Variants in PAPOLA observed in about 807,000 individuals in gnomAD.
PAPOLA encodes the protein poly(A) polymerase alpha.
Under a neutral mutation model 100.6 loss-of-function variants are expected in PAPOLA, and 15 were observed. The observed-to-expected ratio is 0.15, with a 90% CI of 0.10 to 0.23. The LOEUF is 0.23. Ranked by LOEUF, PAPOLA falls within the 10% of genes least tolerant of loss-of-function variation. The pLI, the probability that PAPOLA is intolerant of heterozygous loss-of-function variation, is 1.00. For synonymous variants in PAPOLA, 293 were observed against 300.0 expected (o/e 0.98, Z 0.24); for missense variants, 533 against 884.2 (o/e 0.60, Z 5.04).
intron 1 of PAPOLA, chr14:96,503,015 G>A (rs1896421693): frequency 5.0e-6 from 1 of 201,252 alleles, no homozygotes; most frequent in African/African-American, 2.3e-5. Flanking sequence ...CTCGCTCTCG[G>A]CGCCCCTCGG....
At chr14:96,531,453 T>C in intron 6 of PAPOLA, 22 bp from the exon 7 acceptor site, 1 of 1,557,356 alleles carries the variant, frequency 6.4e-7, no homozygotes, top group South Asian at 1.2e-5. Flanking sequence ...AGATATGGAA[T>C]GTTGTTTTGT....
intron 12 of PAPOLA, among the ~76,000 whole-genome samples, chr14:96,541,293 TAGAA>T (rs1399960444): frequency 6.6e-6 from 1 of 152,184 alleles, no homozygotes; most frequent in Non-Finnish European, 1.5e-5. Flanking sequence ...TAAAATGTGT[TAGAA>T]AGTATTAGGA....
intron 12 of PAPOLA, among the ~76,000 whole-genome samples, chr14:96,539,994 G>C (rs1899852423): frequency 6.6e-6 from 1 of 151,902 alleles, no homozygotes; most frequent in Non-Finnish European, 1.5e-5. Context: ...ATAAATACTT[G>C]TTAGAATTAC....
At position 96,532,467 on chromosome 14, in the gene PAPOLA, T is replaced by C. The variant is rs1469149309; in HGVS notation, c.698-44T>C. ...TAGCTTATTAAAAATGTTCAAACTT[T>C]TGTTCAACACTAACTTATCTTTTTG... On this transcript the variant is annotated intron_variant, in intron 8 of 21. Coordinates refer to ENST00000216277, the MANE Select transcript of PAPOLA (RefSeq NM_032632.5). The C allele has an allele frequency of 3.1e-6, 5 of 1,607,262 alleles. No individual in the cohort carries two copies. The South Asian group carries it at 5.6e-5, about 18-fold the overall frequency.
rs1302437173 is a variant in PAPOLA at position 96,527,837 on chromosome 14, A to G, written c.442-116A>G. ...CTTGATTTCTGATCTGTCTGATCGA[A>G]CAGCCCAGTCTTAAAGCTAGCTATT... On this transcript the variant is annotated intron_variant, in intron 5 of 21. Coordinates refer to ENST00000216277, the MANE Select transcript of PAPOLA (RefSeq NM_032632.5). The G allele has an allele frequency of 1.0e-5, 8 of 772,842 alleles. No individual in the cohort carries two copies. The South Asian group carries it at 1.1e-4, about 11-fold the overall frequency. 47.9% of individuals were successfully genotyped at this position (772,842 alleles called of 1,614,324 possible). A position where few individuals can be genotyped will look rare whatever the true frequency, so the allele number is the denominator to read the frequency against.
Position 96,565,557 on chromosome 14 carries a change from C to A in PAPOLA, c.*507C>A. 2.5e-6 allele frequency: 1 copy of A among 395,772 alleles called. No individual in the cohort carries two copies. The highest frequency in any genetic ancestry group is 4.5e-6 in the Non-Finnish European group (1 of 223,924). The allele number at this position is 395,772 out of a possible 1,614,324, so 24.5% of individuals were successfully genotyped here. A position where few individuals can be genotyped will look rare whatever the true frequency, so the allele number is the denominator to read the frequency against. On this transcript the variant is annotated 3_prime_UTR_variant, in exon 22 of 22. Coordinates refer to ENST00000216277, the MANE Select transcript of PAPOLA (RefSeq NM_032632.5). ...TGTGCAGTGGTGTACTGTTATACTT[C>A]AGAGAAAGGGTAAGAGTACATCTAG...
At chr14:96,533,015 C>G (rs1203027977) in intron 9 of PAPOLA, 36 of 985,018 alleles carry the variant, frequency 3.7e-5, no homozygotes, top group Non-Finnish European at 4.3e-5. Context: ...ATCTATAGGC[C>G]ATTAGTTTCT....
intron 11 of PAPOLA, among the ~76,000 whole-genome samples, chr14:96,536,522 C>T (rs1899545183): frequency 6.6e-6 from 1 of 152,046 alleles, no homozygotes; most frequent in Non-Finnish European, 1.5e-5. Flanking sequence ...AATCAGTTGT[C>T]TGACTACTAG....
At chr14:96,553,728 T>C (rs1367832953) in intron 17 of PAPOLA, among the ~76,000 whole-genome samples, 2 of 152,188 alleles carry the variant, frequency 1.3e-5, no homozygotes, top group East Asian at 3.9e-4. Context: ...GCCAGGCTGG[T>C]CTTGAATTCC....
intron 12 of PAPOLA, among the ~76,000 whole-genome samples, chr14:96,539,571 CTA>C (rs1005373877): frequency 3.5e-4 from 54 of 152,158 alleles, no homozygotes; most frequent in African/African-American, 9.9e-4. Context: ...ATGTTTTTAA[CTA>C]TTTTTATTGG....
In PAPOLA at chr14:96,525,335, A is replaced by G. The variant is rs570562617; in HGVS notation, c.275A>G (p.Asn92Ser). The G allele has an allele frequency of 2.0e-6, 3 of 1,522,430 alleles. No individual in the cohort carries two copies. The African/African-American group carries it at 4.1e-5, about 21-fold the overall frequency. 94.3% of individuals were successfully genotyped at this position (1,522,430 alleles called of 1,614,324 possible). A position where few individuals can be genotyped will look rare whatever the true frequency, so the allele number is the denominator to read the frequency against. Residue 92 changes from asparagine to serine, a missense_variant, in exon 4 of 22, where the codon AAT becomes AGT. Asn to Ser is a conservative substitution (Grantham distance 46, BLOSUM62 1). Transcript: ENST00000216277. Reference protein sequence around the residue: ...SKNLPQSVIENVGGKIFTFGS... With the variant: ...SKNLPQSVIESVGGKIFTFGS... ...AATCTTCCACAATCTGTAATTGAAAATGTTGGAGGAAAAATTTTTACATTT... is the reference window on the plus strand; with the variant it reads ...AATCTTCCACAATCTGTAATTGAAAGTGTTGGAGGAAAAATTTTTACATTT...
intron 1 of PAPOLA, among the ~76,000 whole-genome samples, chr14:96,511,482 T>C (rs1043876113): frequency 6.6e-6 from 1 of 152,234 alleles, no homozygotes; most frequent in Non-Finnish European, 1.5e-5. Flanking sequence ...TTCTGTCCTT[T>C]TGTGTGTTAG....
In PAPOLA at chr14:96,556,288, A is replaced by G. The variant is rs779429294; in HGVS notation, c.1879A>G (p.Arg627Gly). The G allele has an allele frequency of 2.5e-6, 4 of 1,613,994 alleles. No homozygotes were observed. The East Asian group carries it at 8.9e-5, about 36-fold the overall frequency. The stretch of plus-strand genomic sequence containing the variant: ...AACACGTCTGGTAAACCCACCACCT[A>G]GATCTTCAGGAAATGCAGCAACTTC... ...SSTRLVNPPP[R>G]SSGNAATSGN... The change falls in exon 19 of 22, where the codon AGA becomes GGA. Residue 627 changes from arginine to glycine, a missense_variant. Physicochemically the swap from Arg to Gly is moderately radical, Grantham distance 125. Around this residue, in one of 9 missense-constraint regions of PAPOLA, gnomAD observed 242 missense variants for 281.0 expected, o/e 0.86. Transcript: ENST00000216277.
chr14:96,537,221 T>C (rs1194426607), intron 12 of PAPOLA, 161 bp downstream of exon 12: 1 of 588,242 alleles, frequency 1.7e-6, no homozygotes. Flanking sequence ...TTTTTTTGGT[T>C]GAGGTAATGA....
chr14:96,520,069 A>G lies in PAPOLA; in HGVS notation c.23A>G (p.Gln8Arg). 6.2e-7 allele frequency: 1 copy of G among 1,610,228 alleles called. No homozygotes were observed. The highest frequency in any genetic ancestry group is 1.1e-5 in the South Asian group (1 of 89,868). Reference protein sequence around the residue: MPFPVTTQGSQQTQPPQK... With the variant: MPFPVTTRGSQQTQPPQK... ...TTTGTTTATAGTCCAGTTACAACAC[A>G]GGGATCACAACAAACACAACCGCCA... is the stretch of plus-strand genomic sequence containing the variant. The change falls in exon 2 of 22, where the codon CAG becomes CGG. Residue 8 changes from glutamine to arginine, a missense_variant. This residue lies in a region of PAPOLA where 48 missense variants were observed against 52.3 expected (regional missense o/e 0.92). Coordinates refer to ENST00000216277, the MANE Select transcript of PAPOLA (RefSeq NM_032632.5).
intron 1 of PAPOLA, among the ~76,000 whole-genome samples, chr14:96,515,798 A>T (rs1447718779): frequency 6.6e-6 from 1 of 152,186 alleles, no homozygotes; most frequent in Non-Finnish European, 1.5e-5. Flanking sequence ...GTGTTACGTA[A>T]ATTGTAGAAG....
intron 1 of PAPOLA, among the ~76,000 whole-genome samples, chr14:96,506,084 A>G (rs1896696048): frequency 6.6e-6 from 1 of 152,054 alleles, no homozygotes; most frequent in Non-Finnish European, 1.5e-5. Flanking sequence ...TTGTATTTTT[A>G]GTAGAGACGA....
intron 17 of PAPOLA, among the ~76,000 whole-genome samples, chr14:96,553,753 C>T (rs1901053964): frequency 6.6e-6 from 1 of 152,142 alleles, no homozygotes; most frequent in African/African-American, 2.4e-5. Context: ...CTCAGGTGAT[C>T]TGCCCACCCT....
intron 18 of PAPOLA, 78 bp from the exon 19 acceptor site, chr14:96,556,096 AT>A: frequency 7.7e-7 from 1 of 1,305,492 alleles, no homozygotes; most frequent in Non-Finnish European, 1.1e-6. Context: ...ATGAAATCAA[AT>A]TCAGAGAAAC....
Sources: allele counts gnomAD v4.1 joint callset (sites outside exome capture counted in the v4.1 genomes callset), GRCh38; gene constraint gnomAD v4.1.1; regional missense constraint gnomAD v4.1.1; transcripts MANE v1.5; gene names NCBI Gene and HGNC (gene_info 2026-07-23, HGNC 2026-07-21).